PKHD1: variants seen among roughly 807,000 people sequenced by gnomAD.
PKHD1 encodes PKHD1 ciliary IPT domain containing fibrocystin/polyductin.
A neutral mutation model predicts 412.0 loss-of-function variants in PKHD1; 291 were observed. The ratio of observed to expected loss-of-function variants is 0.71; its 90% CI spans 0.64 to 0.78. The LOEUF is 0.78. Among genes scored for constraint, PKHD1 ranks in the 30% least tolerant of loss-of-function variants. The pLI is 0.00. For synonymous variants in PKHD1, 1,777 were observed against 1,821.5 expected (o/e 0.98, Z 0.62); for missense variants, 4,825 against 4,950.7 (o/e 0.97, Z 0.76).
At chr6:52,040,372 C>T (rs1483995736) in intron 27 of PKHD1, among the ~76,000 whole-genome samples, 1 of 152,122 alleles carries the variant, frequency 6.6e-6, no homozygotes, top group African/African-American at 2.4e-5. Context: ...TTATCTCTCC[C>T]CTGGATGTCT....
chr6:52,058,359 C>A lies in PKHD1; in HGVS notation c.1476G>T (p.Gln492His), dbSNP rs780803225. 9.9e-6 allele frequency: 16 copies of A among 1,614,056 alleles called. No homozygotes were observed. Among genetic ancestry groups the A allele is most frequent in the Non-Finnish European group, 1.4e-5 (16 of 1,180,032 alleles). ...GAAGCCTCTGGGCTCGGACTCGGAT[C>A]TGGTGCTTCTCCCGTAGGTAAGTGG... ...VVTTYLREKHQIRVRAQRLPE... is the reference protein window; with the variant it reads ...VVTTYLREKHHIRVRAQRLPE... The change falls in exon 16 of 67, where the codon CAG becomes CAT. Residue 492 changes from glutamine (Q) to histidine (H), a missense_variant. Gln to His is a conservative substitution (Grantham distance 24). Coordinates refer to ENST00000371117, the MANE Select transcript of PKHD1 (RefSeq NM_138694.4).
chr6:51,773,246 GA>G (rs1314780095), intron 54 of PKHD1, among the ~76,000 whole-genome samples: 1 of 151,892 alleles, frequency 6.6e-6, no homozygotes, highest in African/African-American at 2.4e-5. Context: ...TTAGTGGCTG[GA>G]CTTAATATTT....
At chr6:51,946,120 A>T (rs1789423689) in intron 36 of PKHD1, among the ~76,000 whole-genome samples, 1 of 152,236 alleles carries the variant, frequency 6.6e-6, no homozygotes, top group South Asian at 2.1e-4. Flanking sequence ...AAATACACTG[A>T]AACAAATTGG....
chr6:51,745,133 C>A (rs1785031746), intron 59 of PKHD1, among the ~76,000 whole-genome samples: 2 of 152,032 alleles, frequency 1.3e-5, no homozygotes, highest in South Asian at 4.2e-4. Context: ...TTTGAAATAC[C>A]ATTAGTAATA....
chr6:51,954,038 G>A (rs1046215680), intron 36 of PKHD1, among the ~76,000 whole-genome samples: 19 of 152,168 alleles, frequency 1.2e-4, no homozygotes, highest in African/African-American at 3.9e-4. Flanking sequence ...AATCCAGTTT[G>A]CTTTGTATAT....
In PKHD1 at chr6:51,847,905, C is replaced by T. The variant is rs748084543; in HGVS notation, c.7977G>A (p.Pro2659=). The change falls in exon 50 of 67, where the codon CCG becomes CCA. Residue 2659 remains proline, a synonymous_variant. Coordinates refer to ENST00000371117, the MANE Select transcript of PKHD1 (RefSeq NM_138694.4). ...ATCTTAGGAGGATGTCAGGGTAAGG[C>T]GGCAAATCTGTGTGCACCAGCAGTA... The part of the protein sequence containing the change: ...NYLLLVHTDL[P]PYPDILLRCG... The T allele has an allele frequency of 1.2e-4, 187 of 1,613,798 alleles. 1 individual carries two copies. In the Admixed American group the frequency reaches 2.4e-3, roughly 21 times the overall value.
At chr6:52,017,919 G>T (rs150588115) in intron 33 of PKHD1, among the ~76,000 whole-genome samples, 9 of 152,066 alleles carry the variant, frequency 5.9e-5, no homozygotes, top group Non-Finnish European at 1.3e-4. Flanking sequence ...CCCCAAGTTC[G>T]TCCCTTTCCT....
At position 51,894,101 on chromosome 6, in the gene PKHD1, A is replaced by G. The variant is rs904909523; in HGVS notation, c.6997-6856T>C. Among the ~76,000 whole-genome samples, 9 of 152,358 alleles carry G rather than the reference A, an allele frequency of 5.9e-5. No homozygotes were observed. The East Asian group carries it at 9.6e-4, about 16-fold the overall frequency. On this transcript the variant is annotated intron_variant, in intron 43 of 66. Coordinates refer to ENST00000371117, the MANE Select transcript of PKHD1 (RefSeq NM_138694.4). Reference sequence around the variant, plus strand: ...CACACAGGTTATGTCTTCTGGAAAGATGCAGCCTCTTGACAGATAACAAGG... The same window carrying G: ...CACACAGGTTATGTCTTCTGGAAAGGTGCAGCCTCTTGACAGATAACAAGG...
chr6:51,670,679 C>T (rs1774785680), intron 60 of PKHD1, among the ~76,000 whole-genome samples: 1 of 152,130 alleles, frequency 6.6e-6, no homozygotes, highest in Admixed American at 6.5e-5. Flanking sequence ...TTTGCAGAGG[C>T]TGGTACCAGT....
chr6:51,867,805 C>A, intron 48 of PKHD1, 58 bp downstream of exon 48: 1 of 1,511,276 alleles, frequency 6.6e-7, no homozygotes. Flanking sequence ...GCCTCGACAG[C>A]CAGAATAACA....
chr6:52,060,098 C>T, intron 14 of PKHD1, 56 bp from the exon 15 acceptor site: 1 of 884,994 alleles, frequency 1.1e-6, no homozygotes, highest in Non-Finnish European at 1.9e-6. Context: ...ATCACTGAAC[C>T]AACAAATGAC....
Position 51,906,293 on chromosome 6 carries a change from G to C in PKHD1, c.6730C>G (p.Leu2244Val), listed in dbSNP as rs1283491963. ...CTVRNSFSRG[L>V]SMCGTLGLKV... ...AGGCCCAAGGTCCCGCACATGCTGA[G>C]GCCTCTACTGAAGGAGTTCCTCACT... is the stretch of plus-strand genomic sequence containing the variant. Residue 2244 changes from leucine (L) to valine (V), a missense_variant, in exon 41 of 67, where the codon CTC becomes GTC. By Grantham distance (32) the Leu-to-Val change is conservative. Coordinates refer to ENST00000371117, the MANE Select transcript of PKHD1 (RefSeq NM_138694.4). 6 of 1,609,060 alleles carry C rather than the reference G, an allele frequency of 3.7e-6. No individual in the cohort carries two copies. The Admixed American group carries it at 8.4e-5, about 22-fold the overall frequency.
At chr6:51,795,012 CTT>C (rs1226252875) in intron 52 of PKHD1, among the ~76,000 whole-genome samples, 2 of 152,030 alleles carry the variant, frequency 1.3e-5, no homozygotes, top group Non-Finnish European at 2.9e-5. Flanking sequence ...TATTCGGGCT[CTT>C]GTTTGGTTTT....
At chr6:51,714,244 C>T (rs1455537894) in intron 60 of PKHD1, among the ~76,000 whole-genome samples, 2 of 152,148 alleles carry the variant, frequency 1.3e-5, no homozygotes, top group Non-Finnish European at 2.9e-5. Context: ...GTGGCACACG[C>T]CAGTAGTTCC....
chr6:52,082,686 G>A, intron 3 of PKHD1, 144 bp from the exon 4 acceptor site: 2 of 772,562 alleles, frequency 2.6e-6, no homozygotes, highest in Non-Finnish European at 4.5e-6. Context: ...CCTCATAGAT[G>A]CTGTATAAAG....
chr6:51,651,895 T>C (rs935217537), intron 61 of PKHD1, among the ~76,000 whole-genome samples: 2 of 152,112 alleles, frequency 1.3e-5, no homozygotes, highest in African/African-American at 4.8e-5. Flanking sequence ...TGTTAGACAG[T>C]TGTAAGGTTC....
intron 60 of PKHD1, among the ~76,000 whole-genome samples, chr6:51,736,023 C>T (rs540023943): frequency 6.6e-6 from 1 of 152,302 alleles, no homozygotes; most frequent in South Asian, 2.1e-4. Flanking sequence ...ATGTCTACAT[C>T]AGTTCCCACA....
At chr6:51,666,126 T>C (rs1244334348) in intron 60 of PKHD1, among the ~76,000 whole-genome samples, 1 of 148,032 alleles carries the variant, frequency 6.8e-6, no homozygotes, top group East Asian at 2.1e-4. Context: ...AAACTCAGTC[T>C]TTCTGTTACT....
intron 57 of PKHD1, among the ~76,000 whole-genome samples, chr6:51,749,742 C>T (rs1785779228): frequency 6.6e-6 from 1 of 152,066 alleles, no homozygotes; most frequent in South Asian, 2.1e-4. Flanking sequence ...GATGAGAAGC[C>T]GCACTATTAA....
Sources: allele counts gnomAD v4.1 joint callset (sites outside exome capture counted in the v4.1 genomes callset), GRCh38; gene constraint gnomAD v4.1.1; transcripts MANE v1.5; gene names NCBI Gene and HGNC (gene_info 2026-07-23, HGNC 2026-07-21).